The following ALG6 variants were observed in gnomAD, a reference collection of about 807,000 sequenced individuals.
The protein encoded by ALG6 is dolichyl pyrophosphate Man9GlcNAc2 alpha-1,3-glucosyltransferase.
In ALG6, 46 loss-of-function variants were observed where a neutral mutation model predicts 66.6. That is an observed-to-expected ratio of 0.69 (90% CI 0.55 to 0.88). The LOEUF (loss-of-function observed/expected upper bound fraction) is 0.88, where lower values mean the gene tolerates loss of function less well. Among genes scored for constraint, ALG6 ranks in the 40% least tolerant of loss-of-function variants. The pLI is 0.00. For missense variants in ALG6, 505 were observed against 586.8 expected, an observed-to-expected ratio of 0.86 and a Z score of 1.44; for synonymous variants, 185 against 203.7, an observed-to-expected ratio of 0.91 and a Z score of 0.78.
At chr1:63,422,726 C>T (rs925242741) in intron 12 of ALG6, among the ~76,000 whole-genome samples, 4 of 151,506 alleles carry the variant, frequency 2.6e-5, no homozygotes, top group African/African-American at 7.3e-5. Context: ...GAGGCCCAGG[C>T]GGGTGGATCA....
At chr1:63,426,120 G>A (rs111822045) in intron 12 of ALG6, among the ~76,000 whole-genome samples, 1 of 152,150 alleles carries the variant, frequency 6.6e-6, no homozygotes, top group African/African-American at 2.4e-5. Context: ...TAGTGAGAAA[G>A]GAGTTGAAAT....
rs1209987689 is a variant in ALG6, at chr1:63,373,573, C to T, written c.82+2514C>T. 7.3e-5 allele frequency among the ~76,000 whole-genome samples: 11 copies of T among 150,524 alleles called. No individual in the cohort carries two copies. In the East Asian group the frequency reaches 1.6e-3, roughly 22 times the overall value. ...TCATCCCATTACACTTTAGCCTGGG[C>T]GACAGAGCAAGACTCTGCCTCAAAA... On this transcript the variant is annotated intron_variant, in intron 2 of 14. Coordinates refer to ENST00000263440, the MANE Select transcript of ALG6 (RefSeq NM_013339.4).
intron 10 of ALG6, 23 bp from the exon 11 acceptor site, chr1:63,415,850 T>G (rs138158161): frequency 3.4e-6 from 5 of 1,485,186 alleles, no homozygotes; most frequent in African/African-American, 1.4e-5. Context: ...AAGACAAATA[T>G]TTGATTTGTA....
At position 63,433,312 on chromosome 1, in the gene ALG6, G is replaced by A. The variant is rs1644658293; in HGVS notation, c.1327-3511G>A. 6.6e-6 allele frequency among the ~76,000 whole-genome samples: 1 copy of A among 152,206 alleles called. No individual in the cohort carries two copies. Among genetic ancestry groups the A allele is most frequent in the African/African-American group, 2.4e-5 (1 of 41,460 alleles). On this transcript the variant is annotated intron_variant, in intron 14 of 14. Transcript: ENST00000263440. The surrounding 1 kb of genome is among the most constrained non-coding windows in gnomAD (Gnocchi z 4.2). Reference sequence around the variant, plus strand: ...GCCCAAAGTACCCAGATAACAAAGAGAAAAGAATGACTAACTCTATTAGGG... The same window carrying A: ...GCCCAAAGTACCCAGATAACAAAGAAAAAAGAATGACTAACTCTATTAGGG...
Position 63,374,426 on chromosome 1 carries a change from G to A in ALG6, c.82+3367G>A, listed in dbSNP as rs1570030942. Among the ~76,000 whole-genome samples the A allele has an allele frequency of 2.6e-5, 4 of 152,114 alleles. No homozygotes were observed. In the South Asian group the frequency reaches 6.2e-4, roughly 24 times the overall value. Reference sequence around the variant, plus strand: ...GCCGATCACATGAGGTCAGGAGTTCGAGACCAGCGTGGCCAACACAGTGAA... The same window carrying A: ...GCCGATCACATGAGGTCAGGAGTTCAAGACCAGCGTGGCCAACACAGTGAA... On this transcript the variant is annotated intron_variant, in intron 2 of 14. Transcript: ENST00000263440.
intron 11 of ALG6, among the ~76,000 whole-genome samples, chr1:63,416,955 C>T (rs1557593130): frequency 6.6e-6 from 1 of 152,094 alleles, no homozygotes; most frequent in Admixed American, 6.6e-5. Flanking sequence ...CATGTAAGTA[C>T]GTTGGATAAA....
At chr1:63,425,049 G>A (rs1644608071) in intron 12 of ALG6, among the ~76,000 whole-genome samples, 2 of 152,120 alleles carry the variant, frequency 1.3e-5, no homozygotes, top group Admixed American at 1.3e-4. Flanking sequence ...CAAAGTGCTG[G>A]GATTACAGGC....
chr1:63,398,030 T>G (rs1428331180), intron 3 of ALG6, among the ~76,000 whole-genome samples: 1 of 152,218 alleles, frequency 6.6e-6, no homozygotes, highest in African/African-American at 2.4e-5. Context: ...TCCTGATAAC[T>G]GTTGATGACA....
At chr1:63,390,921 GT>G (rs1246000271) in intron 2 of ALG6, among the ~76,000 whole-genome samples, 2 of 152,264 alleles carry the variant, frequency 1.3e-5, no homozygotes, top group South Asian at 4.1e-4. Flanking sequence ...ACCCTCTTCA[GT>G]GCCTCTTTCC....
At chr1:63,378,185 A>G (rs1033582977) in intron 2 of ALG6, among the ~76,000 whole-genome samples, 1 of 152,094 alleles carries the variant, frequency 6.6e-6, no homozygotes, top group Non-Finnish European at 1.5e-5. Flanking sequence ...TGGCAAACCC[A>G]GTTTTTGTCT....
intron 2 of ALG6, among the ~76,000 whole-genome samples, chr1:63,396,181 A>G (rs1228217418): frequency 1.3e-5 from 2 of 152,174 alleles, no homozygotes; most frequent in African/African-American, 4.8e-5. Flanking sequence ...AATAGTGTCT[A>G]TTTATTGAAT....
intron 14 of ALG6, among the ~76,000 whole-genome samples, chr1:63,430,272 C>T (rs1644639012): frequency 6.6e-6 from 1 of 152,158 alleles, no homozygotes; most frequent in Non-Finnish European, 1.5e-5. Flanking sequence ...TATGGATATA[C>T]CACATTTTGT....
At chr1:63,415,379 T>A (rs968838797) in intron 10 of ALG6, among the ~76,000 whole-genome samples, 1 of 152,188 alleles carries the variant, frequency 6.6e-6, no homozygotes. Context: ...TCTAGTAGCT[T>A]CCTGCTCCCT....
chr1:63,376,481 T>C (rs1490796517), intron 2 of ALG6, among the ~76,000 whole-genome samples: 2 of 152,214 alleles, frequency 1.3e-5, no homozygotes, highest in Non-Finnish European at 2.9e-5. Context: ...CTCTTAAGTT[T>C]CAGTCTCTGT....
intron 2 of ALG6, among the ~76,000 whole-genome samples, chr1:63,388,130 G>A (rs1648561356): frequency 6.6e-6 from 1 of 151,778 alleles, no homozygotes; most frequent in African/African-American, 2.4e-5. Context: ...TGTTGGCCAC[G>A]CTGGTCTCAA....
At position 63,404,567 on chromosome 1, in the gene ALG6, T is replaced by C. The variant is rs781348916; in HGVS notation, c.346+26T>C. ...GTAAAAGAGCAATGGGTAGTGAATA[T>C]AAAATTTGATTTTTTAAAAATTTTG... is the stretch of plus-strand genomic sequence containing the variant. On this transcript the variant is annotated intron_variant, in intron 5 of 14. Coordinates refer to ENST00000263440, the MANE Select transcript of ALG6 (RefSeq NM_013339.4). The C allele has an allele frequency of 1.0e-5, 16 of 1,604,646 alleles. No individual in the cohort carries two copies. In the South Asian group the frequency reaches 1.7e-4, roughly 17 times the overall value.
chr1:63,421,136 G>T (rs1230746883), intron 12 of ALG6, among the ~76,000 whole-genome samples: 2 of 151,974 alleles, frequency 1.3e-5, no homozygotes, highest in Admixed American at 1.3e-4. Context: ...GTAATTAGGA[G>T]TACTGGAGGA....
chr1:63,411,949 C>G lies in ALG6; in HGVS notation c.704C>G (p.Ala235Gly). 6.2e-7 allele frequency: 1 copy of G among 1,614,130 alleles called. No homozygotes were observed. Residue 235 changes from alanine (A) to glycine (G), a missense_variant, in exon 9 of 15, where the codon GCT becomes GGT. Ala to Gly is a moderately conservative substitution (Grantham distance 60). Transcript: ENST00000263440. The stretch of plus-strand genomic sequence containing the variant: ...AGGTTTGTGTTGCTAGTTAAGCTAG[C>G]TTGTATTGTTGTGGCTTCCTTCGTT... ...GKGFVLLVKL[A>G]CIVVASFVLC...
chr1:63,397,046 G>A (rs765681307), intron 3 of ALG6, among the ~76,000 whole-genome samples: 128 of 152,174 alleles, frequency 8.4e-4, no homozygotes, highest in Non-Finnish European at 1.7e-3. Flanking sequence ...AGCCTACAAT[G>A]ATAGGACTTG....
Sources: allele counts gnomAD v4.1 joint callset (sites outside exome capture counted in the v4.1 genomes callset), GRCh38; gene constraint gnomAD v4.1.1; non-coding constraint Gnocchi (gnomAD v3.1); transcripts MANE v1.5; gene names NCBI Gene and HGNC (gene_info 2026-07-23, HGNC 2026-07-21).